KCNQ3: variants seen among roughly 807,000 people sequenced by gnomAD.
The protein encoded by KCNQ3 is potassium voltage-gated channel subfamily KQT member 3.
Under a neutral mutation model 92.5 loss-of-function variants are expected in KCNQ3, and 30 were observed. That is an observed-to-expected ratio of 0.32 (90% CI 0.24 to 0.44). The LOEUF (loss-of-function observed/expected upper bound fraction) is 0.44, where lower values mean the gene tolerates loss of function less well. KCNQ3 is among the 20% of genes least tolerant of loss of function. KCNQ3 has a pLI of 1.00. For missense variants in KCNQ3, 913 were observed against 1,140.3 expected (o/e 0.80, Z 2.87); for synonymous variants, 450 against 468.8 (o/e 0.96, Z 0.52).
chr8:132,166,267 C>T (rs949023085), intron 8 of KCNQ3, among the ~76,000 whole-genome samples: 44 of 152,236 alleles, frequency 2.9e-4, no homozygotes, highest in Non-Finnish European at 4.4e-4. Flanking sequence ...CCATATTGAA[C>T]GGTGCAGCTA....
At chr8:132,252,501 A>C (rs909217685) in intron 1 of KCNQ3, among the ~76,000 whole-genome samples, 6 of 152,196 alleles carry the variant, frequency 3.9e-5, no homozygotes, top group African/African-American at 1.4e-4. Context: ...GTGAGGACCC[A>C]AAGAGTGAGC....
chr8:132,174,476 T>C lies in KCNQ3; in HGVS notation c.934-127A>G, dbSNP rs567292954. 4 of 767,346 alleles carry C rather than the reference T, an allele frequency of 5.2e-6. No individual in the cohort carries two copies. The East Asian group carries it at 1.1e-4, about 21-fold the overall frequency. The allele number at this position is 767,346 out of a possible 1,614,324, so 47.5% of individuals were successfully genotyped here. A position where few individuals can be genotyped will look rare whatever the true frequency, so the allele number is the denominator to read the frequency against. Reference sequence around the variant, plus strand: ...TGCTCCCATTCATAACAAGGTTCCCTTAGGAGAAAAGACACCAAGTACCTA... The same window carrying C: ...TGCTCCCATTCATAACAAGGTTCCCCTAGGAGAAAAGACACCAAGTACCTA... On this transcript the variant is annotated intron_variant, in intron 5 of 14. Coordinates refer to ENST00000388996, the MANE Select transcript of KCNQ3 (RefSeq NM_004519.4).
At chr8:132,156,798 T>A (rs1156330276) in intron 9 of KCNQ3, among the ~76,000 whole-genome samples, 1 of 152,018 alleles carries the variant, frequency 6.6e-6, no homozygotes, top group African/African-American at 2.4e-5. Context: ...GCTGATGGAA[T>A]CAAGTAAAGA....
intron 10 of KCNQ3, 72 bp downstream of exon 10, chr8:132,141,057 G>A (rs1275328455): frequency 2.2e-6 from 3 of 1,377,042 alleles, no homozygotes; most frequent in Non-Finnish European, 3.1e-6. Context: ...GGCAAAGGGA[G>A]AGGTGAGGAA....
chr8:132,376,400 G>A lies in KCNQ3; in HGVS notation c.386+103747C>T, dbSNP rs116854860. Among the ~76,000 whole-genome samples the A allele has an allele frequency of 1.8e-3, 268 of 152,256 alleles. 1 individual carries two copies. Among genetic ancestry groups the A allele is most frequent in the Admixed American group, 5.0e-3 (77 of 15,298 alleles). ...ATTGTGCATTTAACTAAGTGCTTCC[G>A]TACAGTCCTCACATTGTTCTCCCAA... On this transcript the variant is annotated intron_variant, in intron 1 of 14. Coordinates refer to ENST00000388996, the MANE Select transcript of KCNQ3 (RefSeq NM_004519.4).
chr8:132,398,431 G>C (rs1243859834), intron 1 of KCNQ3, among the ~76,000 whole-genome samples: 4 of 152,038 alleles, frequency 2.6e-5, no homozygotes, highest in Non-Finnish European at 5.9e-5. Flanking sequence ...TTATTTTTAA[G>C]TGGCATTTTC....
rs1267084141 is a variant in KCNQ3 at position 132,128,739 on chromosome 8, T to A, written c.*523A>T. On this transcript the variant is annotated 3_prime_UTR_variant, in exon 15 of 15. Coordinates refer to ENST00000388996, the MANE Select transcript of KCNQ3 (RefSeq NM_004519.4). ...TTTAGAGACACAATGACTATCTCAT[T>A]CCTTTCCTAATGTTAGCTCAGTAGG... is the stretch of plus-strand genomic sequence containing the variant. 1.9e-5 allele frequency: 3 copies of A among 160,698 alleles called. No homozygotes were observed. Among genetic ancestry groups the A allele is most frequent in the Admixed American group, 1.7e-4 (3 of 17,460 alleles). The allele number at this position is 160,698 out of a possible 1,614,324, so 10.0% of individuals were successfully genotyped here. A position where few individuals can be genotyped will look rare whatever the true frequency, so the allele number is the denominator to read the frequency against.
In KCNQ3 at chr8:132,123,452, A is replaced by C. The variant is rs982305083; in HGVS notation, c.*5810T>G. ...ACATCATCGTCTTTCACAGCATGGA[A>C]ACATCAATCTTATTCCAGAGAAGGG... On this transcript the variant is annotated 3_prime_UTR_variant, in exon 15 of 15. Transcript: ENST00000388996. The C allele has an allele frequency of 1.3e-5, 2 of 152,216 alleles. No individual in the cohort carries two copies. Among genetic ancestry groups the C allele is most frequent in the Non-Finnish European group, 2.9e-5 (2 of 68,054 alleles). The allele number at this position is 152,216 out of a possible 1,614,324, so 9.4% of individuals were successfully genotyped here.
intron 1 of KCNQ3, among the ~76,000 whole-genome samples, chr8:132,357,932 G>T (rs771919821): frequency 2.9e-4 from 44 of 152,288 alleles, no homozygotes; most frequent in Middle Eastern, 3.4e-3. Flanking sequence ...GCTCTGTCTG[G>T]AACACCATTT....
intron 1 of KCNQ3, among the ~76,000 whole-genome samples, chr8:132,431,836 A>G (rs1821259325): frequency 6.6e-6 from 1 of 152,196 alleles, no homozygotes; most frequent in African/African-American, 2.4e-5. Flanking sequence ...AAGCACACTT[A>G]GGCCAGCCCT....
intron 1 of KCNQ3, among the ~76,000 whole-genome samples, chr8:132,251,810 G>T (rs1413152765): frequency 6.6e-6 from 1 of 152,208 alleles, no homozygotes; most frequent in Non-Finnish European, 1.5e-5. Context: ...GGCCCTGTGG[G>T]CTAGTGACAA....
rs1220196153 is a variant in KCNQ3 at position 132,184,338 on chromosome 8, G to A, written c.507C>T (p.Ala169=). The part of the protein sequence containing the change: ...LETFAIFIFG[A]EFALRIWAAG... Reference sequence around the variant, plus strand: ...CAGCCCAGATCCTCAAAGCAAACTCGGCTCCAAAGATGAAAATAGCAAATG... The same window carrying A: ...CAGCCCAGATCCTCAAAGCAAACTCAGCTCCAAAGATGAAAATAGCAAATG... The change falls in exon 3 of 15, where the codon GCC becomes GCT. Residue 169 remains alanine, a synonymous_variant. Transcript: ENST00000388996. 3.7e-6 allele frequency: 6 copies of A among 1,614,054 alleles called. No homozygotes were observed. Among genetic ancestry groups the A allele is most frequent in the South Asian group, 2.2e-5 (2 of 91,074 alleles).
intron 1 of KCNQ3, among the ~76,000 whole-genome samples, chr8:132,187,508 C>G (rs1338460843): frequency 6.6e-6 from 1 of 152,196 alleles, no homozygotes; most frequent in African/African-American, 2.4e-5. Context: ...GCCCAGGAAC[C>G]TAAACAAGAT....
In KCNQ3 at chr8:132,391,163, AG is replaced by A. The variant is rs1180745822; in HGVS notation, c.386+88983del. Among the ~76,000 whole-genome samples, 6 of 152,312 alleles carry A rather than the reference AG, an allele frequency of 3.9e-5. No individual in the cohort carries two copies. The East Asian group carries it at 9.7e-4, about 25-fold the overall frequency. ...TCTTGATTCTGCTGATAGTGCCTAGAGCATACCTTGTAAGTGCTAATGGGCA... is the reference window on the plus strand; with the variant it reads ...TCTTGATTCTGCTGATAGTGCCTAGACATACCTTGTAAGTGCTAATGGGCA... On this transcript the variant is annotated intron_variant, in intron 1 of 14. Coordinates refer to ENST00000388996, the MANE Select transcript of KCNQ3 (RefSeq NM_004519.4).
At chr8:132,212,882 CA>C (rs1335660252) in intron 1 of KCNQ3, among the ~76,000 whole-genome samples, 3 of 152,164 alleles carry the variant, frequency 2.0e-5, no homozygotes, top group African/African-American at 7.2e-5. Context: ...TGCCCTTCTG[CA>C]AACACAGACC....
At chr8:132,281,474 T>C (rs994130056) in intron 1 of KCNQ3, among the ~76,000 whole-genome samples, 2 of 152,136 alleles carry the variant, frequency 1.3e-5, no homozygotes, top group Non-Finnish European at 2.9e-5. Flanking sequence ...ATGGAGTATG[T>C]ATATATGGAA....
intron 1 of KCNQ3, among the ~76,000 whole-genome samples, chr8:132,452,675 C>T (rs1196800377): frequency 6.6e-6 from 1 of 152,322 alleles, no homozygotes; most frequent in East Asian, 1.9e-4. Flanking sequence ...GAGGGTAAGG[C>T]TCACAGTCCT....
At chr8:132,234,469 T>C (rs184655536) in intron 1 of KCNQ3, among the ~76,000 whole-genome samples, 106 of 150,724 alleles carry the variant, frequency 7.0e-4, no homozygotes, top group African/African-American at 2.4e-3. Flanking sequence ...GCCAGTCCTA[T>C]GATGGGGCTA....
intron 1 of KCNQ3, among the ~76,000 whole-genome samples, chr8:132,425,392 A>G (rs1054672714): frequency 1.3e-5 from 2 of 152,216 alleles, no homozygotes; most frequent in African/African-American, 4.8e-5. Context: ...CTAAGCCTCA[A>G]TTTCCTCACC....
Sources: allele counts gnomAD v4.1 joint callset (sites outside exome capture counted in the v4.1 genomes callset), GRCh38; gene constraint gnomAD v4.1.1; transcripts MANE v1.5; gene names NCBI Gene and HGNC (gene_info 2026-07-23, HGNC 2026-07-21).